MAPK10: variants seen among roughly 807,000 people sequenced by gnomAD.
The protein encoded by MAPK10 is mitogen-activated protein kinase 10, also known as JNK3 alpha protein kinase.
A neutral mutation model predicts 59.3 loss-of-function variants in MAPK10; 25 were observed. The ratio of observed to expected loss-of-function variants is 0.42; its 90% CI spans 0.31 to 0.59. MAPK10 has a LOEUF of 0.59. Ranked by LOEUF, MAPK10 falls within the 20% of genes least tolerant of loss-of-function variation. The pLI is 0.15. For missense variants in MAPK10, 351 were observed against 568.9 expected (o/e 0.62, Z 3.90); for synonymous variants, 190 against 200.5 (o/e 0.95, Z 0.44).
intron 1 of MAPK10, among the ~76,000 whole-genome samples, chr4:86,438,022 A>G (rs1368346918): frequency 6.6e-6 from 1 of 152,206 alleles, no homozygotes; most frequent in Non-Finnish European, 1.5e-5. Context: ...CCACTTATAT[A>G]AAGTTCAGAA....
chr4:86,098,131 T>C (rs2054585198), intron 9 of MAPK10, among the ~76,000 whole-genome samples: 1 of 152,176 alleles, frequency 6.6e-6, no homozygotes, highest in Non-Finnish European at 1.5e-5. Context: ...TTATTATGCC[T>C]AAATATTGTA....
intron 1 of MAPK10, among the ~76,000 whole-genome samples, chr4:86,421,895 G>A (rs1426908308): frequency 6.6e-6 from 1 of 152,054 alleles, no homozygotes; most frequent in Non-Finnish European, 1.5e-5. Flanking sequence ...TCTGGTTTTT[G>A]TTCCCATCAG....
chr4:86,045,088 A>G (rs1267956603), intron 11 of MAPK10, among the ~76,000 whole-genome samples: 1 of 152,108 alleles, frequency 6.6e-6, no homozygotes, highest in East Asian at 1.9e-4. Flanking sequence ...GTGTAATTAG[A>G]AAGCTTAATT....
chr4:86,113,298 G>A (rs947957509), intron 4 of MAPK10, among the ~76,000 whole-genome samples: 2 of 152,060 alleles, frequency 1.3e-5, no homozygotes, highest in Non-Finnish European at 2.9e-5. Context: ...TAATATAGTT[G>A]CTTCATAGTG....
intron 1 of MAPK10, among the ~76,000 whole-genome samples, chr4:86,396,643 G>C (rs1167718501): frequency 6.6e-6 from 1 of 152,120 alleles, no homozygotes; most frequent in Non-Finnish European, 1.5e-5. Context: ...CAGAAACATG[G>C]CGCCAGCATC....
chr4:86,280,500 G>A (rs1265004812), intron 2 of MAPK10, among the ~76,000 whole-genome samples: 1 of 152,182 alleles, frequency 6.6e-6, no homozygotes, highest in Non-Finnish European at 1.5e-5. Flanking sequence ...ATACCCTGTT[G>A]GAGGGAATGT....
chr4:86,523,799 C>T (rs560263438), intron 1 of MAPK10, among the ~76,000 whole-genome samples: 5 of 152,248 alleles, frequency 3.3e-5, no homozygotes, highest in East Asian at 1.9e-4. Flanking sequence ...TCTAAATATC[C>T]GATGGTTATT....
chr4:86,539,709 C>T (rs1334083737), intron 1 of MAPK10, among the ~76,000 whole-genome samples: 9 of 152,136 alleles, frequency 5.9e-5, no homozygotes, highest in Non-Finnish European at 8.8e-5. Flanking sequence ...CATGTGAGAA[C>T]AAGCTTTTTG....
intron 1 of MAPK10, among the ~76,000 whole-genome samples, chr4:86,471,778 C>CT (rs200450940): frequency 0.011 from 1,662 of 151,736 alleles, 10 homozygotes; most frequent in Non-Finnish European, 0.014. Flanking sequence ...CTATGTTTTC[C>CT]TTTTTTTTCA....
upstream of MAPK10, among the ~76,000 whole-genome samples, chr4:86,362,433 T>C (rs1367853106): frequency 6.6e-6 from 1 of 150,694 alleles, no homozygotes; most frequent in East Asian, 1.9e-4. Flanking sequence ...AAAAAGAGAC[T>C]TCATCAAAAT....
In MAPK10 at chr4:86,102,064, G is replaced by C. The variant is rs201689282; in HGVS notation, c.426-32C>G. 704 of 1,604,150 alleles carry C rather than the reference G, an allele frequency of 4.4e-4. 1 individual carries two copies. The highest frequency in any genetic ancestry group is 6.5e-4 in the Admixed American group (39 of 59,938). Reference sequence around the variant, plus strand: ...GGGTGAATCCACAGTGTTAGTTCCAGATCACAAGATCTATGAAGTCCTTTG... The same window carrying C: ...GGGTGAATCCACAGTGTTAGTTCCACATCACAAGATCTATGAAGTCCTTTG... On this transcript the variant is annotated intron_variant, in intron 6 of 13. Transcript: ENST00000641462.
intron 1 of MAPK10, among the ~76,000 whole-genome samples, chr4:86,502,006 A>G (rs1471323564): frequency 6.6e-6 from 1 of 152,096 alleles, no homozygotes; most frequent in African/African-American, 2.4e-5. Flanking sequence ...ACCACAACAA[A>G]ATGGCAGGGC....
intron 1 of MAPK10, among the ~76,000 whole-genome samples, chr4:86,434,184 A>G (rs1748407007): frequency 6.6e-6 from 1 of 152,188 alleles, no homozygotes; most frequent in South Asian, 2.1e-4. Context: ...AAAACTGGAG[A>G]ACTATATGCA....
Position 86,045,695 on chromosome 4 carries a change from GGT to G in MAPK10, c.1111-14266_1111-14265del, listed in dbSNP as rs201213944. Among the ~76,000 whole-genome samples the G allele has an allele frequency of 2.0e-3, 308 of 151,862 alleles. 7 individuals are homozygous for G. Among genetic ancestry groups the G allele is most frequent in the Admixed American group, 0.019 (290 of 15,218 alleles). The stretch of plus-strand genomic sequence containing the variant: ...ATGCTTGGGAACTCCTTCCTTATCT[GGT>G]CCCTGCTTACCAGCCCAAAATAATT... On this transcript the variant is annotated intron_variant, in intron 11 of 13. Coordinates refer to ENST00000641462, the MANE Select transcript of MAPK10 (RefSeq NM_138982.4).
At chr4:86,303,136 C>G (rs1350900033) in intron 2 of MAPK10, among the ~76,000 whole-genome samples, 1 of 152,168 alleles carries the variant, frequency 6.6e-6, no homozygotes, top group East Asian at 1.9e-4. Flanking sequence ...ATAGTGCGAG[C>G]CTCTAATTCT....
At chr4:86,217,091 G>A (rs1339440130) in intron 2 of MAPK10, among the ~76,000 whole-genome samples, 1 of 152,224 alleles carries the variant, frequency 6.6e-6, no homozygotes, top group Admixed American at 6.5e-5. Flanking sequence ...GAGGCAATAA[G>A]GAGTCAGATC....
At chr4:86,130,152 TACTC>T (rs1319967468) in intron 4 of MAPK10, among the ~76,000 whole-genome samples, 5 of 152,174 alleles carry the variant, frequency 3.3e-5, no homozygotes, top group Admixed American at 2.6e-4. Flanking sequence ...TTTGAGCTGA[TACTC>T]ACTTTTGACA....
intron 2 of MAPK10, among the ~76,000 whole-genome samples, chr4:86,221,028 T>C (rs973719118): frequency 1.3e-5 from 2 of 152,194 alleles, no homozygotes; most frequent in African/African-American, 4.8e-5. Context: ...CTAGCTTAAA[T>C]TGTCACTTAG....
chr4:86,459,210 C>T (rs1426983095), intron 1 of MAPK10, among the ~76,000 whole-genome samples: 13 of 152,128 alleles, frequency 8.5e-5, no homozygotes, highest in African/African-American at 3.1e-4. Context: ...AACCACAATG[C>T]AATACCACCT....
Sources: allele counts gnomAD v4.1 joint callset (sites outside exome capture counted in the v4.1 genomes callset), GRCh38; gene constraint gnomAD v4.1.1; transcripts MANE v1.5; gene names NCBI Gene and HGNC (gene_info 2026-07-23, HGNC 2026-07-21).